SAMD4A: variants seen among roughly 807,000 people sequenced by gnomAD.
The protein encoded by SAMD4A is sterile alpha motif domain containing 4A.
SAMD4A carries 33 observed loss-of-function variants against 81.3 expected under a neutral mutation model. That is an observed-to-expected ratio of 0.41 (90% CI 0.31 to 0.54). SAMD4A has a LOEUF of 0.54. SAMD4A is among the 20% of genes least tolerant of loss of function. The pLI is 0.37. For missense variants in SAMD4A, 854 were observed against 951.1 expected, an observed-to-expected ratio of 0.90 and a Z score of 1.34; for synonymous variants, 389 against 382.1, an observed-to-expected ratio of 1.02 and a Z score of -0.21.
At chr14:54,788,696 A>G (rs1399425125) in intron 12 of SAMD4A, among the ~76,000 whole-genome samples, 1 of 152,158 alleles carries the variant, frequency 6.6e-6, no homozygotes, top group Non-Finnish European at 1.5e-5. Flanking sequence ...AGGATTAGAT[A>G]TTTTCATCTT....
At chr14:54,655,607 G>A (rs1321979635) in intron 2 of SAMD4A, among the ~76,000 whole-genome samples, 12 of 151,822 alleles carry the variant, frequency 7.9e-5, no homozygotes, top group African/African-American at 2.7e-4. Flanking sequence ...GCATGGTGGC[G>A]CATACCTGTA....
At chr14:54,697,412 G>A (rs774839590) in intron 2 of SAMD4A, among the ~76,000 whole-genome samples, 8 of 152,280 alleles carry the variant, frequency 5.3e-5, no homozygotes, top group Admixed American at 2.0e-4. Flanking sequence ...GTATTAAGTT[G>A]CCCTGACAAA....
At chr14:54,663,185 G>A (rs1306635311) in intron 2 of SAMD4A, among the ~76,000 whole-genome samples, 1 of 152,306 alleles carries the variant, frequency 6.6e-6, no homozygotes, top group African/African-American at 2.4e-5. Flanking sequence ...CAAAATGTAA[G>A]AGCTAAATAA....
chr14:54,651,270 A>T (rs2035397722), intron 2 of SAMD4A, among the ~76,000 whole-genome samples: 1 of 152,204 alleles, frequency 6.6e-6, no homozygotes, highest in Non-Finnish European at 1.5e-5. Flanking sequence ...ACGCATGGTT[A>T]TGGTGTCTGT....
intron 3 of SAMD4A, among the ~76,000 whole-genome samples, chr14:54,705,089 T>C (rs1362790555): frequency 1.3e-5 from 2 of 152,200 alleles, no homozygotes; most frequent in Non-Finnish European, 2.9e-5. Context: ...ACATTCACAA[T>C]ATCTACCTTT....
intron 2 of SAMD4A, among the ~76,000 whole-genome samples, chr14:54,611,207 A>G (rs1194390088): frequency 2.0e-5 from 3 of 152,240 alleles, no homozygotes; most frequent in Non-Finnish European, 4.4e-5. Context: ...AATGTTAATA[A>G]TGTCATAGCT....
chr14:54,578,673 C>G (rs1274677620), intron 2 of SAMD4A, among the ~76,000 whole-genome samples: 2 of 152,056 alleles, frequency 1.3e-5, no homozygotes, highest in South Asian at 4.1e-4. Context: ...GATCGCACCA[C>G]TGCACTCCAG....
chr14:54,760,134 A>T, intron 6 of SAMD4A, 27 bp from the exon 7 acceptor site: 1 of 1,602,788 alleles, frequency 6.2e-7, no homozygotes, highest in South Asian at 1.1e-5. Context: ...TGAGCCTAAC[A>T]GAGGTCTTCC....
intron 2 of SAMD4A, among the ~76,000 whole-genome samples, chr14:54,622,813 C>T (rs2034650372): frequency 6.6e-6 from 1 of 152,222 alleles, no homozygotes; most frequent in South Asian, 2.1e-4. Context: ...GCACTGGTGG[C>T]ATCACCTGGG....
At chr14:54,622,934 C>T (rs562112743) in intron 2 of SAMD4A, among the ~76,000 whole-genome samples, 128 of 152,352 alleles carry the variant, frequency 8.4e-4, no homozygotes, top group African/African-American at 2.9e-3. Context: ...GCACTTTTTA[C>T]AGCCATCTTA....
At chr14:54,750,366 T>G (rs1272151151) in intron 5 of SAMD4A, among the ~76,000 whole-genome samples, 2 of 152,230 alleles carry the variant, frequency 1.3e-5, no homozygotes, top group Non-Finnish European at 2.9e-5. Context: ...TTTCCTTCTT[T>G]AAGAAGAATT....
At chr14:54,781,329 C>T (rs1420223889) in intron 11 of SAMD4A, among the ~76,000 whole-genome samples, 1 of 152,248 alleles carries the variant, frequency 6.6e-6, no homozygotes, top group Non-Finnish European at 1.5e-5. Context: ...AGGACAAGCC[C>T]TTTGGGCTCC....
chr14:54,685,279 C>CA (rs1041089289), intron 2 of SAMD4A, among the ~76,000 whole-genome samples: 3 of 148,268 alleles, frequency 2.0e-5, no homozygotes, highest in East Asian at 2.0e-4. Context: ...TTCCTGCCCC[C>CA]CCCCCCAGCT....
chr14:54,749,179 C>T (rs2038037309), intron 5 of SAMD4A, among the ~76,000 whole-genome samples: 2 of 152,154 alleles, frequency 1.3e-5, no homozygotes, highest in South Asian at 4.1e-4. Context: ...TGTGAAAAGG[C>T]ATAATCTCGG....
intron 2 of SAMD4A, 23 bp downstream of exon 2, chr14:54,568,135 C>T (rs1450872133): frequency 4.8e-6 from 7 of 1,449,470 alleles, no homozygotes; most frequent in Non-Finnish European, 6.3e-6. Flanking sequence ...CGGCCGCCGC[C>T]GCCGTCCCGC....
In SAMD4A at chr14:54,767,970, G is replaced by A. The variant is rs202063257; in HGVS notation, c.1597-2134G>A. On this transcript the variant is annotated intron_variant, in intron 8 of 12. Transcript: ENST00000554335. ...CATTGAGGTGCTCAGGGAATGCGCC[G>A]ACCTCCCCAGGAAGGCGCCAACATT... Among the ~76,000 whole-genome samples, 193 of 152,316 alleles carry A rather than the reference G, an allele frequency of 1.3e-3. 1 individual carries two copies. The highest frequency in any genetic ancestry group is 5.7e-4 in the Non-Finnish European group (39 of 68,030).
chr14:54,757,128 T>G (rs1187855802), intron 6 of SAMD4A, among the ~76,000 whole-genome samples: 1 of 152,232 alleles, frequency 6.6e-6, no homozygotes, highest in Non-Finnish European at 1.5e-5. Flanking sequence ...TCTCCCTGTT[T>G]CCTTCTCAAT....
At chr14:54,707,849 G>T (rs150605763) in intron 3 of SAMD4A, among the ~76,000 whole-genome samples, 24 of 152,268 alleles carry the variant, frequency 1.6e-4, no homozygotes, top group African/African-American at 5.3e-4. Flanking sequence ...AGGCAGACTT[G>T]CTAGGGGAAA....
chr14:54,668,272 T>C (rs1291668568), intron 2 of SAMD4A, among the ~76,000 whole-genome samples: 1 of 152,170 alleles, frequency 6.6e-6, no homozygotes, highest in African/African-American at 2.4e-5. Context: ...CTCCAAGCCA[T>C]CCTCGAGGGC....
Sources: allele counts gnomAD v4.1 joint callset (sites outside exome capture counted in the v4.1 genomes callset), GRCh38; gene constraint gnomAD v4.1.1; transcripts MANE v1.5; gene names NCBI Gene and HGNC (gene_info 2026-07-23, HGNC 2026-07-21).